The following PTPRD variants were observed in gnomAD, a reference collection of about 807,000 sequenced individuals.
The protein encoded by PTPRD is receptor-type tyrosine-protein phosphatase delta.
Under a neutral mutation model 214.5 loss-of-function variants are expected in PTPRD, and 34 were observed. That is an observed-to-expected ratio of 0.16 (90% CI 0.12 to 0.21). The LOEUF (loss-of-function observed/expected upper bound fraction) is 0.21. PTPRD is among the 10% of genes least tolerant of loss of function. PTPRD has a pLI of 1.00. For synonymous variants in PTPRD, 1,128 were observed against 845.7 expected (o/e 1.33, Z -5.79); for missense variants, 2,545 against 2,398.7 (o/e 1.06, Z -1.27).
chr9:9,412,550 C>T (rs2141982378), intron 8 of PTPRD, among the ~76,000 whole-genome samples: 1 of 152,196 alleles, frequency 6.6e-6, no homozygotes, highest in East Asian at 1.9e-4. Context: ...CTTTCCCAGC[C>T]TCAGGCCACT....
At chr9:10,170,936 C>T (rs548988946) in intron 3 of PTPRD, among the ~76,000 whole-genome samples, 1 of 152,222 alleles carries the variant, frequency 6.6e-6, no homozygotes, top group Non-Finnish European at 1.5e-5. Flanking sequence ...CTTCTCCACC[C>T]GGTATAATTT....
intron 12 of PTPRD, among the ~76,000 whole-genome samples, chr9:8,658,752 C>T (rs1168028308): frequency 2.0e-5 from 3 of 151,192 alleles, no homozygotes; most frequent in African/African-American, 7.3e-5. Flanking sequence ...GGAAACACTA[C>T]CCTAGCTACA....
At chr9:8,886,922 C>T (rs79675667) in intron 11 of PTPRD, among the ~76,000 whole-genome samples, 4,569 of 152,120 alleles carry the variant, frequency 0.03, 171 homozygotes, top group South Asian at 0.092. Context: ...TGGTAGATAC[C>T]GAATAAATAT....
intron 11 of PTPRD, among the ~76,000 whole-genome samples, chr9:8,742,173 G>A (rs7038928): frequency 0.073 from 11,154 of 152,152 alleles, 1,092 homozygotes; most frequent in African/African-American, 0.23. Context: ...CTTGATGACA[G>A]ACTGCACACA....
intron 3 of PTPRD, among the ~76,000 whole-genome samples, chr9:10,207,969 G>C (rs1480979580): frequency 6.6e-6 from 1 of 152,126 alleles, no homozygotes; most frequent in East Asian, 1.9e-4. Flanking sequence ...TGTTTCCTTG[G>C]AGAAGCTTTG....
chr9:9,531,082 C>T (rs1020976441), intron 8 of PTPRD, among the ~76,000 whole-genome samples: 1 of 152,098 alleles, frequency 6.6e-6, no homozygotes, highest in Admixed American at 6.6e-5. Flanking sequence ...AAGTGATGTA[C>T]ACCCCAAATG....
chr9:9,943,050 T>C (rs2091897497), intron 4 of PTPRD, among the ~76,000 whole-genome samples: 1 of 152,122 alleles, frequency 6.6e-6, no homozygotes, highest in Non-Finnish European at 1.5e-5. Context: ...TGATAGTGGA[T>C]ATAGCTGGAT....
chr9:9,022,761 A>G (rs1245348392), intron 10 of PTPRD, among the ~76,000 whole-genome samples: 1 of 152,218 alleles, frequency 6.6e-6, no homozygotes, highest in Non-Finnish European at 1.5e-5. Context: ...TGCATGGAAT[A>G]TGAAGAAGCT....
chr9:8,549,633 G>A (rs952171186), intron 14 of PTPRD, among the ~76,000 whole-genome samples: 8 of 152,122 alleles, frequency 5.3e-5, no homozygotes, highest in Admixed American at 5.2e-4. Flanking sequence ...GCCTTGTGAG[G>A]AGGGGCATAT....
intron 5 of PTPRD, among the ~76,000 whole-genome samples, chr9:9,810,864 C>A (rs1206528196): frequency 6.6e-6 from 1 of 151,528 alleles, no homozygotes; most frequent in Non-Finnish European, 1.5e-5. Context: ...AAATCAAACA[C>A]CATCTGGAAA....
rs970426054 is a variant in PTPRD, at chr9:8,449,315, T to C, written c.3988+410A>G. On this transcript the variant is annotated intron_variant, in intron 34 of 45. Coordinates refer to ENST00000381196, the MANE Select transcript of PTPRD (RefSeq NM_002839.4). ...ATAAACACAAACAAAAAGGAAAATA[T>C]AGAACAAATCTATGCTTTCCCATGG... Among the ~76,000 whole-genome samples, 10 of 147,534 alleles carry C rather than the reference T, an allele frequency of 6.8e-5. No homozygotes were observed. In the East Asian group the frequency reaches 8.6e-4, roughly 13 times the overall value.
At chr9:10,589,872 G>C (rs1292465842) in intron 2 of PTPRD, among the ~76,000 whole-genome samples, 3 of 152,046 alleles carry the variant, frequency 2.0e-5, no homozygotes, top group Admixed American at 2.0e-4. Context: ...AGAATATTTA[G>C]CATGTTTTAC....
intron 6 of PTPRD, among the ~76,000 whole-genome samples, chr9:9,753,447 TTCA>T (rs2098541106): frequency 6.6e-6 from 1 of 152,088 alleles, no homozygotes; most frequent in African/African-American, 2.4e-5. Flanking sequence ...AAAAATACCC[TTCA>T]GGCTAAAGCA....
At chr9:10,428,285 C>A (rs549553899) in intron 2 of PTPRD, among the ~76,000 whole-genome samples, 1 of 151,930 alleles carries the variant, frequency 6.6e-6, no homozygotes, top group East Asian at 1.9e-4. Flanking sequence ...TGCCACTGCA[C>A]GACAGAGCAA....
At chr9:8,587,170 CA>C (rs2093730345) in intron 14 of PTPRD, among the ~76,000 whole-genome samples, 1 of 151,982 alleles carries the variant, frequency 6.6e-6, no homozygotes, top group East Asian at 1.9e-4. Flanking sequence ...CAAACGAACA[CA>C]AAAAGAACGG....
chr9:9,550,184 C>T (rs1420258760), intron 8 of PTPRD, among the ~76,000 whole-genome samples: 1 of 151,784 alleles, frequency 6.6e-6, no homozygotes, highest in Non-Finnish European at 1.5e-5. Flanking sequence ...GAAATTCTGC[C>T]TCTACTGTAG....
intron 5 of PTPRD, among the ~76,000 whole-genome samples, chr9:9,777,235 C>G (rs879433173): frequency 6.6e-6 from 1 of 151,966 alleles, no homozygotes; most frequent in African/African-American, 2.4e-5. Context: ...GTCCAGGATA[C>G]TTATTTTGGA....
intron 8 of PTPRD, among the ~76,000 whole-genome samples, chr9:9,508,895 T>C (rs2096632829): frequency 6.6e-6 from 1 of 151,616 alleles, no homozygotes; most frequent in African/African-American, 2.4e-5. Flanking sequence ...TTATGTATGC[T>C]CAAAGAGTCT....
chr9:9,410,629 G>C (rs2075092229), intron 8 of PTPRD, among the ~76,000 whole-genome samples: 1 of 152,152 alleles, frequency 6.6e-6, no homozygotes, highest in Admixed American at 6.5e-5. Context: ...AGGGAAAAGA[G>C]GCTTTGAAAC....
Sources: allele counts gnomAD v4.1 joint callset (sites outside exome capture counted in the v4.1 genomes callset), GRCh38; gene constraint gnomAD v4.1.1; transcripts MANE v1.5; gene names NCBI Gene and HGNC (gene_info 2026-07-23, HGNC 2026-07-21).